The following CARMIL1 variants were observed in gnomAD, a reference collection of about 807,000 sequenced individuals.
CARMIL1 encodes F-actin-uncapping protein LRRC16A.
A neutral mutation model predicts 177.1 loss-of-function variants in CARMIL1; 90 were observed. The ratio of observed to expected loss-of-function variants is 0.51; its 90% CI spans 0.43 to 0.61. The LOEUF (loss-of-function observed/expected upper bound fraction) is 0.61, where lower values mean the gene tolerates loss of function less well. Among genes scored for constraint, CARMIL1 ranks in the 20% least tolerant of loss-of-function variants. The probability of loss-of-function intolerance (pLI) is 0.00; values close to 1 mark genes in which losing one functional copy is unlikely to be tolerated. For missense variants in CARMIL1, 1,380 were observed against 1,667.0 expected (o/e 0.83, Z 3.00); for synonymous variants, 577 against 606.2 (o/e 0.95, Z 0.71).
At chr6:25,451,650 GCTCT>G (rs1203775418) in intron 8 of CARMIL1, among the ~76,000 whole-genome samples, 1 of 152,044 alleles carries the variant, frequency 6.6e-6, no homozygotes, top group Non-Finnish European at 1.5e-5. Flanking sequence ...AATTTATTTT[GCTCT>G]CTAACAGTCG....
chr6:25,279,920 G>T (rs932950606), intron 1 of CARMIL1, 85 bp downstream of exon 1: 1 of 1,510,850 alleles, frequency 6.6e-7, no homozygotes, highest in Admixed American at 1.7e-5. Context: ...CTTTCCCGCA[G>T]GTCTCGAGAA....
chr6:25,280,742 C>G (rs1781024825), intron 1 of CARMIL1, among the ~76,000 whole-genome samples: 1 of 152,068 alleles, frequency 6.6e-6, no homozygotes, highest in Non-Finnish European at 1.5e-5. Flanking sequence ...GCATGTTATA[C>G]TGTAACAAGG....
chr6:25,609,971 A>G lies in CARMIL1; in HGVS notation c.3848-79A>G, dbSNP rs1362457381. 4 of 1,387,040 alleles carry G rather than the reference A, an allele frequency of 2.9e-6. No homozygotes were observed. In the African/African-American group the frequency reaches 4.4e-5, roughly 15 times the overall value. 85.9% of individuals were successfully genotyped at this position (1,387,040 alleles called of 1,614,324 possible). A position where few individuals can be genotyped will look rare whatever the true frequency, so the allele number is the denominator to read the frequency against. ...TTATTTTTTTAAATGACTTATTTTT[A>G]TATATAGATTTACCAGGCTTTATGT... On this transcript the variant is annotated intron_variant, in intron 35 of 36. Transcript: ENST00000329474.
intron 4 of CARMIL1, among the ~76,000 whole-genome samples, chr6:25,429,095 G>C (rs1456867817): frequency 1.3e-5 from 2 of 152,188 alleles, no homozygotes; most frequent in African/African-American, 2.4e-5. Context: ...GGTATGCCAG[G>C]AATTTAGGGC....
intron 30 of CARMIL1, 28 bp from the exon 31 acceptor site, chr6:25,581,211 CTGTT>C: frequency 6.3e-7 from 1 of 1,591,392 alleles, no homozygotes; most frequent in Non-Finnish European, 8.6e-7. Context: ...TGGCCTTGGG[CTGTT>C]TTTTTGTTTT....
At chr6:25,384,531 C>T (rs1170790494) in intron 2 of CARMIL1, among the ~76,000 whole-genome samples, 1 of 152,230 alleles carries the variant, frequency 6.6e-6, no homozygotes, top group Non-Finnish European at 1.5e-5. Flanking sequence ...TGAGGTTGCT[C>T]TGAGCCAGTC....
At chr6:25,556,602 C>A in intron 28 of CARMIL1, 99 bp from the exon 29 acceptor site, 1 of 1,083,264 alleles carries the variant, frequency 9.2e-7, no homozygotes. Flanking sequence ...CAGCTTTGTG[C>A]TCCACTGCGC....
At chr6:25,412,874 G>A (rs1316876266) in intron 2 of CARMIL1, among the ~76,000 whole-genome samples, 1 of 152,220 alleles carries the variant, frequency 6.6e-6, no homozygotes, top group Non-Finnish European at 1.5e-5. Context: ...TCCCACAGCT[G>A]CCCATGAAGA....
At chr6:25,319,894 T>C (rs192445292) in intron 2 of CARMIL1, among the ~76,000 whole-genome samples, 62 of 151,982 alleles carry the variant, frequency 4.1e-4, no homozygotes, top group African/African-American at 1.3e-3. Flanking sequence ...CAGCCTATTT[T>C]CACCTCTTTA....
intron 35 of CARMIL1, 88 bp from the exon 36 acceptor site, chr6:25,609,962 C>A: frequency 1.5e-6 from 2 of 1,366,720 alleles, no homozygotes; most frequent in Non-Finnish European, 1.9e-6. Context: ...TTTTAAATGA[C>A]TTATTTTTAT....
intron 29 of CARMIL1, among the ~76,000 whole-genome samples, chr6:25,568,207 G>GAT (rs1811722356): frequency 6.6e-6 from 1 of 152,118 alleles, no homozygotes; most frequent in African/African-American, 2.4e-5. Flanking sequence ...TTCTTGTCTA[G>GAT]ATTATATAGC....
chr6:25,347,695 T>C (rs6456673), intron 2 of CARMIL1, among the ~76,000 whole-genome samples: 10,778 of 152,266 alleles, frequency 0.071, 900 homozygotes, highest in African/African-American at 0.19. Flanking sequence ...CTTTCCCTAA[T>C]GTTAACATCT....
At chr6:25,440,107 A>C (rs1361312822) in intron 5 of CARMIL1, among the ~76,000 whole-genome samples, 1 of 152,176 alleles carries the variant, frequency 6.6e-6, no homozygotes, top group Non-Finnish European at 1.5e-5. Context: ...CATACACTTC[A>C]CACTTAATCC....
chr6:25,385,833 T>G (rs1463838915), intron 2 of CARMIL1, among the ~76,000 whole-genome samples: 4 of 152,232 alleles, frequency 2.6e-5, no homozygotes, highest in Non-Finnish European at 2.9e-5. Context: ...ATTCTGAGCC[T>G]TAGACTCTCA....
At chr6:25,483,747 C>T (rs934432509) in intron 12 of CARMIL1, among the ~76,000 whole-genome samples, 3 of 145,208 alleles carry the variant, frequency 2.1e-5, no homozygotes, top group South Asian at 2.2e-4. Flanking sequence ...GAAAAAAAGT[C>T]GGAGGTGGAT....
At chr6:25,533,027 AAG>A (rs781350007) in intron 24 of CARMIL1, among the ~76,000 whole-genome samples, 1 of 152,176 alleles carries the variant, frequency 6.6e-6, no homozygotes, top group African/African-American at 2.4e-5. Flanking sequence ...AAGAAAGAAA[AAG>A]AGAGAAGGAG....
chr6:25,411,043 G>A (rs1794855917), intron 2 of CARMIL1, among the ~76,000 whole-genome samples: 1 of 152,112 alleles, frequency 6.6e-6, no homozygotes, highest in African/African-American at 2.4e-5. Flanking sequence ...GGAAGCAGAA[G>A]TTTTAGTAAT....
intron 31 of CARMIL1, among the ~76,000 whole-genome samples, chr6:25,585,286 A>G (rs2151264973): frequency 6.6e-6 from 1 of 152,322 alleles, no homozygotes; most frequent in Non-Finnish European, 1.5e-5. Flanking sequence ...ATTATTAACA[A>G]TTATCGTTGT....
At chr6:25,476,491 C>T (rs1459337564) in intron 11 of CARMIL1, among the ~76,000 whole-genome samples, 1 of 152,214 alleles carries the variant, frequency 6.6e-6, no homozygotes, top group Non-Finnish European at 1.5e-5. Flanking sequence ...TCCCACCTTT[C>T]TTTACTCTTG....
Sources: allele counts gnomAD v4.1 joint callset (sites outside exome capture counted in the v4.1 genomes callset), GRCh38; gene constraint gnomAD v4.1.1; transcripts MANE v1.5; gene names NCBI Gene and HGNC (gene_info 2026-07-23, HGNC 2026-07-21).